The following ERBIN variants were observed in gnomAD, a reference collection of about 807,000 sequenced individuals.
ERBIN encodes densin-180-like protein.
Under a neutral mutation model 158.4 loss-of-function variants are expected in ERBIN, and 60 were observed. The observed-to-expected ratio is 0.38, with a 90% CI of 0.31 to 0.47. The LOEUF (loss-of-function observed/expected upper bound fraction) is 0.47. Among genes scored for constraint, ERBIN ranks in the 20% least tolerant of loss-of-function variants. ERBIN has a pLI of 0.99. For synonymous variants in ERBIN, 594 were observed against 557.2 expected (o/e 1.07, Z -0.93); for missense variants, 1,610 against 1,648.0 (o/e 0.98, Z 0.40).
intron 1 of ERBIN, among the ~76,000 whole-genome samples, chr5:65,985,229 A>G (rs918178356): frequency 2.0e-5 from 3 of 152,130 alleles, no homozygotes; most frequent in African/African-American, 7.2e-5. Flanking sequence ...GAGTACTGGG[A>G]TTACAGGTGC....
intron 1 of ERBIN, among the ~76,000 whole-genome samples, chr5:65,933,160 A>C (rs1743650088): frequency 6.6e-6 from 1 of 152,088 alleles, no homozygotes; most frequent in Non-Finnish European, 1.5e-5. Flanking sequence ...TTCTTTTAAC[A>C]TTGTCTTTTG....
chr5:66,051,968 G>C (rs1759075173), intron 20 of ERBIN, among the ~76,000 whole-genome samples: 1 of 151,562 alleles, frequency 6.6e-6, no homozygotes, highest in Admixed American at 6.6e-5. Flanking sequence ...ACTTTGGGAG[G>C]CTAAGATGAT....
At chr5:65,993,391 G>T (rs1419104215) in intron 3 of ERBIN, among the ~76,000 whole-genome samples, 1 of 152,040 alleles carries the variant, frequency 6.6e-6, no homozygotes, top group Non-Finnish European at 1.5e-5. Flanking sequence ...AAAGGTTTTG[G>T]AGGACTTAAC....
At chr5:65,932,989 T>C (rs997710421) in intron 1 of ERBIN, among the ~76,000 whole-genome samples, 5 of 152,074 alleles carry the variant, frequency 3.3e-5, no homozygotes, top group Non-Finnish European at 5.9e-5. Flanking sequence ...GATGGGTTCT[T>C]GCTCTGTTGT....
At chr5:66,056,436 T>C (rs1759580026) in intron 21 of ERBIN, among the ~76,000 whole-genome samples, 1 of 152,184 alleles carries the variant, frequency 6.6e-6, no homozygotes, top group Admixed American at 6.6e-5. Flanking sequence ...TGTGTAGTTT[T>C]CATCTTATAT....
At chr5:65,957,163 A>G (rs1223466369) in intron 1 of ERBIN, among the ~76,000 whole-genome samples, 1 of 151,392 alleles carries the variant, frequency 6.6e-6, no homozygotes, top group South Asian at 2.1e-4. Context: ...TTTAGTACAG[A>G]TCGTCCCCAA....
chr5:66,069,064 A>G, intron 21 of ERBIN: 2 of 1,416,464 alleles, frequency 1.4e-6, no homozygotes, highest in South Asian at 3.1e-5. Context: ...TGTAGAAGAG[A>G]AAACCCCAAA....
At chr5:65,985,827 A>G (rs1366977433) in intron 1 of ERBIN, among the ~76,000 whole-genome samples, 1 of 152,182 alleles carries the variant, frequency 6.6e-6, no homozygotes, top group Admixed American at 6.5e-5. Flanking sequence ...TTGCCCCACC[A>G]ACCAGAGGTG....
intron 1 of ERBIN, among the ~76,000 whole-genome samples, chr5:65,966,661 CAA>C (rs1263649865): frequency 1.1e-5 from 1 of 93,060 alleles, no homozygotes; most frequent in Non-Finnish European, 1.9e-5. Flanking sequence ...GCCTGGGCAA[CAA>C]GAGTGAAACT....
chr5:65,933,385 A>G (rs1743680963), intron 1 of ERBIN, among the ~76,000 whole-genome samples: 1 of 152,178 alleles, frequency 6.6e-6, no homozygotes, highest in Non-Finnish European at 1.5e-5. Context: ...AGGGAGAAAT[A>G]TTTAACGAGT....
At chr5:65,981,820 G>T (rs1750694740) in intron 1 of ERBIN, among the ~76,000 whole-genome samples, 1 of 152,120 alleles carries the variant, frequency 6.6e-6, no homozygotes, top group African/African-American at 2.4e-5. Context: ...ATTCAAAGAA[G>T]GTAAAGGTGG....
chr5:66,017,726 CA>C (rs894658257), intron 7 of ERBIN, among the ~76,000 whole-genome samples: 27 of 151,800 alleles, frequency 1.8e-4, no homozygotes, highest in Non-Finnish European at 4.0e-4. Context: ...AGGTCTTACA[CA>C]AAAAAATCTT....
chr5:66,020,009 G>A (rs1481897141), intron 7 of ERBIN, among the ~76,000 whole-genome samples: 1 of 152,072 alleles, frequency 6.6e-6, no homozygotes, highest in African/African-American at 2.4e-5. Flanking sequence ...GAAAGATCGT[G>A]GAAGCAACCT....
Position 65,928,458 on chromosome 5 carries a change from C to T in ERBIN, c.-58+1652C>T, listed in dbSNP as rs548584582. Among the ~76,000 whole-genome samples, 7 of 152,262 alleles carry T rather than the reference C, an allele frequency of 4.6e-5. No homozygotes were observed. In the East Asian group the frequency reaches 1.2e-3, roughly 25 times the overall value. ...CTTCAGTTTCCTTATATGGCTTATA[C>T]TTGGCTTCAAAAGCAACAAAACCTT... is the stretch of plus-strand genomic sequence containing the variant. On this transcript the variant is annotated intron_variant, in intron 1 of 25. Coordinates refer to ENST00000284037, the MANE Select transcript of ERBIN (RefSeq NM_001253697.2).
intron 2 of ERBIN, among the ~76,000 whole-genome samples, chr5:65,990,741 T>C (rs543955039): frequency 6.6e-6 from 1 of 151,826 alleles, no homozygotes; most frequent in African/African-American, 2.4e-5. Flanking sequence ...TATAGAGTGA[T>C]TGAGTAAGTA....
intron 21 of ERBIN, among the ~76,000 whole-genome samples, chr5:66,066,429 C>G (rs1458839277): frequency 6.6e-6 from 1 of 151,788 alleles, no homozygotes; most frequent in Non-Finnish European, 1.5e-5. Context: ...TGCTACTTTA[C>G]TCAGCTGAGA....
intron 1 of ERBIN, among the ~76,000 whole-genome samples, chr5:65,986,311 G>T (rs1362345453): frequency 6.6e-6 from 1 of 152,114 alleles, no homozygotes; most frequent in African/African-American, 2.4e-5. Context: ...TCCTACCATG[G>T]TCTTACTCCA....
At chr5:66,060,597 G>T (rs1483383546) in intron 21 of ERBIN, among the ~76,000 whole-genome samples, 6 of 152,134 alleles carry the variant, frequency 3.9e-5, no homozygotes, top group African/African-American at 1.4e-4. Context: ...GAATGTGTTT[G>T]CTCTTGCTTC....
Position 65,951,176 on chromosome 5 carries a change from G to A in ERBIN, c.-58+24370G>A, listed in dbSNP as rs376392695. ...GAACCTAAAATTGGTATGATGAGGG[G>A]ATGCTAATTCTAAAGACTGCTGGCC... On this transcript the variant is annotated intron_variant, in intron 1 of 25. Coordinates refer to ENST00000284037, the MANE Select transcript of ERBIN (RefSeq NM_001253697.2). Among the ~76,000 whole-genome samples, 328 of 152,242 alleles carry A rather than the reference G, an allele frequency of 2.2e-3. 2 individuals carry two copies. Among genetic ancestry groups the A allele is most frequent in the African/African-American group, 7.7e-3 (321 of 41,546 alleles).
Sources: allele counts gnomAD v4.1 joint callset (sites outside exome capture counted in the v4.1 genomes callset), GRCh38; gene constraint gnomAD v4.1.1; transcripts MANE v1.5; gene names NCBI Gene and HGNC (gene_info 2026-07-23, HGNC 2026-07-21).